Variants in COL25A1 observed in about 807,000 individuals in gnomAD.
The protein encoded by COL25A1 is collagen alpha-1(XXV) chain.
A neutral mutation model predicts 128.4 loss-of-function variants in COL25A1; 103 were observed. That is an observed-to-expected ratio of 0.80 (90% CI 0.68 to 0.94). COL25A1 has a LOEUF of 0.94. Ranked by LOEUF, COL25A1 falls within the 40% of genes least tolerant of loss-of-function variation. The pLI, the probability that COL25A1 is intolerant of heterozygous loss-of-function variation, is 0.00. For synonymous variants in COL25A1, 279 were observed against 277.2 expected, an observed-to-expected ratio of 1.01 and a Z score of -0.06; for missense variants, 745 against 840.0, an observed-to-expected ratio of 0.89 and a Z score of 1.40.
chr4:109,274,866 T>C (rs1355643016), intron 3 of COL25A1, among the ~76,000 whole-genome samples: 1 of 152,194 alleles, frequency 6.6e-6, no homozygotes, highest in Non-Finnish European at 1.5e-5. Flanking sequence ...AACACACGAA[T>C]AATTAACTCT....
chr4:109,287,265 T>C (rs1055554279), intron 3 of COL25A1, among the ~76,000 whole-genome samples: 9 of 152,182 alleles, frequency 5.9e-5, no homozygotes, highest in African/African-American at 2.2e-4. Flanking sequence ...TAGTTCTTCA[T>C]CTAATGTTTA....
intron 3 of COL25A1, among the ~76,000 whole-genome samples, chr4:109,264,852 C>G (rs1393525868): frequency 6.6e-6 from 1 of 152,144 alleles, no homozygotes; most frequent in East Asian, 1.9e-4. Flanking sequence ...GGTTTTGACT[C>G]TAATGTTAAA....
chr4:108,823,015 C>T (rs956620180), intron 35 of COL25A1, among the ~76,000 whole-genome samples: 3 of 152,154 alleles, frequency 2.0e-5, no homozygotes, highest in Non-Finnish European at 4.4e-5. Flanking sequence ...CACGGGCTCT[C>T]TTACCAATGG....
At chr4:109,106,486 A>G (rs926143890) in intron 3 of COL25A1, among the ~76,000 whole-genome samples, 3 of 152,072 alleles carry the variant, frequency 2.0e-5, no homozygotes, top group African/African-American at 7.2e-5. Flanking sequence ...TGTGATTAAG[A>G]CTGTTATGCT....
At chr4:109,003,785 G>A (rs1290827473) in intron 6 of COL25A1, among the ~76,000 whole-genome samples, 1 of 151,434 alleles carries the variant, frequency 6.6e-6, no homozygotes, top group African/African-American at 2.4e-5. Context: ...GGGCAACAGA[G>A]CGAGACTCCA....
At chr4:109,286,292 A>C (rs1484029055) in intron 3 of COL25A1, among the ~76,000 whole-genome samples, 1 of 152,188 alleles carries the variant, frequency 6.6e-6, no homozygotes, top group African/African-American at 2.4e-5. Flanking sequence ...ACTATCATCA[A>C]ACACAAAGAA....
At chr4:109,007,172 C>T (rs1756101269) in intron 6 of COL25A1, among the ~76,000 whole-genome samples, 1 of 151,980 alleles carries the variant, frequency 6.6e-6, no homozygotes, top group Admixed American at 6.6e-5. Flanking sequence ...TTCCCAAGAG[C>T]AGAGCAGGGG....
chr4:109,120,189 ACT>A (rs1248799117), intron 3 of COL25A1, among the ~76,000 whole-genome samples: 9 of 152,132 alleles, frequency 5.9e-5, no homozygotes, highest in Non-Finnish European at 1.0e-4. Context: ...AGAGTGAGAA[ACT>A]CAAAGCTTTC....
intron 8 of COL25A1, among the ~76,000 whole-genome samples, chr4:108,945,819 C>A (rs1748668999): frequency 6.6e-6 from 1 of 152,084 alleles, no homozygotes; most frequent in African/African-American, 2.4e-5. Context: ...CATGCACCAC[C>A]ATGCCCAGCT....
intron 11 of COL25A1, among the ~76,000 whole-genome samples, chr4:108,937,501 T>C (rs1747565491): frequency 1.3e-5 from 2 of 152,198 alleles, no homozygotes; most frequent in South Asian, 4.1e-4. Flanking sequence ...CTATTTAAGC[T>C]AATAGGCATG....
At chr4:109,286,791 G>C (rs867334743) in intron 3 of COL25A1, among the ~76,000 whole-genome samples, 63 of 152,120 alleles carry the variant, frequency 4.1e-4, no homozygotes, top group Admixed American at 1.2e-3. Context: ...GTTACTGAAG[G>C]CCACCTAATT....
Position 108,811,920 on chromosome 4 carries a change from AT to A in COL25A1, c.*2006del, listed in dbSNP as rs1266587181. On this transcript the variant is annotated 3_prime_UTR_variant, in exon 38 of 38. Transcript: ENST00000399132. ...ATGAGGATTTTAGGTTCCTTGTCTTATGGTTATATCTTAACTATAAGCCAAG... is the reference window on the plus strand; with the variant it reads ...ATGAGGATTTTAGGTTCCTTGTCTTAGGTTATATCTTAACTATAAGCCAAG... 14 of 152,212 alleles carry A rather than the reference AT, an allele frequency of 9.2e-5. No homozygotes were observed. The highest frequency in any genetic ancestry group is 9.2e-4 in the Admixed American group (14 of 15,292). 9.4% of individuals were successfully genotyped at this position (152,212 alleles called of 1,614,324 possible).
chr4:108,905,178 A>C (rs1353339836), intron 13 of COL25A1, among the ~76,000 whole-genome samples: 1 of 152,180 alleles, frequency 6.6e-6, no homozygotes, highest in Admixed American at 6.5e-5. Context: ...CTGGAAAATG[A>C]GCAGATTCTA....
intron 9 of COL25A1, among the ~76,000 whole-genome samples, chr4:108,940,916 A>G (rs1478986044): frequency 6.6e-6 from 1 of 152,214 alleles, no homozygotes; most frequent in African/African-American, 2.4e-5. Flanking sequence ...TGTTACCACT[A>G]TAGTCAGAGC....
intron 36 of COL25A1, 118 bp from the exon 37 acceptor site, chr4:108,817,553 G>A (rs1731359132): frequency 8.6e-6 from 7 of 813,138 alleles, no homozygotes; most frequent in Middle Eastern, 2.3e-4. Flanking sequence ...TTGGTCATGG[G>A]CATCTTTTAC....
chr4:109,268,283 T>C (rs1437137498), intron 3 of COL25A1, among the ~76,000 whole-genome samples: 2 of 152,232 alleles, frequency 1.3e-5, no homozygotes, highest in Non-Finnish European at 2.9e-5. Flanking sequence ...CAGGAGACTA[T>C]TAAAATTAGA....
chr4:109,051,929 A>T (rs1051279457), intron 3 of COL25A1, among the ~76,000 whole-genome samples: 28 of 60,210 alleles, frequency 4.7e-4, no homozygotes, highest in African/African-American at 2.4e-3. Flanking sequence ...TCAAAGATTA[A>T]AAAAAAATGT....
chr4:108,987,500 G>A (rs1435128351), intron 6 of COL25A1, among the ~76,000 whole-genome samples: 2 of 151,940 alleles, frequency 1.3e-5, no homozygotes, highest in South Asian at 2.1e-4. Context: ...TCAGCCTGCC[G>A]GGTAGCCGGG....
Position 108,901,132 on chromosome 4 carries a change from A to G in COL25A1, c.821T>C (p.Ile274Thr), listed in dbSNP as rs369377511. Residue 274 changes from isoleucine (I) to threonine (T), a missense_variant, in exon 14 of 38, where the codon ATA becomes ACA. Ile to Thr is a moderately conservative substitution (Grantham distance 89). Transcript: ENST00000399132. ...ATTTGTACTAACCTTAGGTCCTGGT[A>G]TTCCATTCTGTCCTACTGCTCCAGG... ...GLPGAVGQNGIPGPKGEPGEQ... is the reference protein window; with the variant it reads ...GLPGAVGQNGTPGPKGEPGEQ... 1 of 1,612,126 alleles carries G rather than the reference A, an allele frequency of 6.2e-7. No homozygotes were observed. The highest frequency in any genetic ancestry group is 1.3e-5 in the African/African-American group (1 of 74,844).
Sources: allele counts gnomAD v4.1 joint callset (sites outside exome capture counted in the v4.1 genomes callset), GRCh38; gene constraint gnomAD v4.1.1; transcripts MANE v1.5; gene names NCBI Gene and HGNC (gene_info 2026-07-23, HGNC 2026-07-21).